ADHFE1: variants seen among roughly 807,000 people sequenced by gnomAD.
ADHFE1 encodes the protein alcohol dehydrogenase iron containing 1.
A neutral mutation model predicts 54.8 loss-of-function variants in ADHFE1; 37 were observed. That is an observed-to-expected ratio of 0.68 (90% CI 0.52 to 0.89). The LOEUF (loss-of-function observed/expected upper bound fraction) is 0.89, where lower values mean the gene tolerates loss of function less well. Among genes scored for constraint, ADHFE1 ranks in the 40% least tolerant of loss-of-function variants. The probability of loss-of-function intolerance (pLI) is 0.00; values close to 1 mark genes in which losing one functional copy is unlikely to be tolerated. For synonymous variants in ADHFE1, 203 were observed against 229.3 expected (o/e 0.89, Z 1.04); for missense variants, 601 against 591.2 (o/e 1.02, Z -0.17).
intron 1 of ADHFE1, among the ~76,000 whole-genome samples, chr8:66,436,672 A>G (rs4737229): frequency 0.073 from 11,148 of 152,210 alleles, 630 homozygotes; most frequent in East Asian, 0.26. Flanking sequence ...TGCCCAAGCC[A>G]GAAAGATAAA....
At chr8:66,460,912 T>C (rs1806865066) in intron 13 of ADHFE1, among the ~76,000 whole-genome samples, 1 of 152,250 alleles carries the variant, frequency 6.6e-6, no homozygotes, top group Admixed American at 6.5e-5. Flanking sequence ...AGCCTTTCAA[T>C]TAACACTATC....
intron 13 of ADHFE1, among the ~76,000 whole-genome samples, chr8:66,461,071 G>A (rs1447103336): frequency 2.0e-5 from 3 of 152,180 alleles, no homozygotes; most frequent in Non-Finnish European, 4.4e-5. Context: ...TGTAAAGTTT[G>A]CTCTTCTGAG....
At chr8:66,454,455 A>C (rs1806467337) in intron 10 of ADHFE1, among the ~76,000 whole-genome samples, 4 of 152,066 alleles carry the variant, frequency 2.6e-5, no homozygotes, top group African/African-American at 9.7e-5. Flanking sequence ...TAGAAACCTA[A>C]ATGTATTCTT....
chr8:66,467,417 T>G (rs1040017422), intron 13 of ADHFE1, among the ~76,000 whole-genome samples: 16 of 152,100 alleles, frequency 1.1e-4, no homozygotes, highest in Non-Finnish European at 1.9e-4. Flanking sequence ...CTTCACTAAT[T>G]CAGCAGATAA....
intron 13 of ADHFE1, among the ~76,000 whole-genome samples, chr8:66,467,366 A>G (rs968281700): frequency 2.0e-5 from 3 of 152,112 alleles, no homozygotes; most frequent in African/African-American, 4.8e-5. Flanking sequence ...TCTATCTTGT[A>G]TATGTGAACT....
In ADHFE1 at chr8:66,442,818, G is replaced by T. The variant is rs757700802; in HGVS notation, c.118G>T (p.Gly40Trp). 19 of 1,594,106 alleles carry T rather than the reference G, an allele frequency of 1.2e-5. No individual in the cohort carries two copies. The highest frequency in any genetic ancestry group is 2.3e-5 in the South Asian group (2 of 85,998). Reference sequence around the variant, plus strand: ...TCTAGCCCCTGGACTTTCACCTTCTGGGAAAACAACAGATTATGCCTTTGA... The same window carrying T: ...TCTAGCCCCTGGACTTTCACCTTCTTGGAAAACAACAGATTATGCCTTTGA... ...YSQAPGLSPS[G>W]KTTDYAFEMA... The change falls in exon 3 of 14, where the codon GGG becomes TGG. Residue 40 changes from glycine to tryptophan, a missense_variant. Coordinates refer to ENST00000396623, the MANE Select transcript of ADHFE1 (RefSeq NM_144650.3).
At chr8:66,462,782 C>T (rs998395249) in intron 13 of ADHFE1, among the ~76,000 whole-genome samples, 1 of 152,322 alleles carries the variant, frequency 6.6e-6, no homozygotes, top group African/African-American at 2.4e-5. Flanking sequence ...GTTTACTCTT[C>T]TAATTCTACT....
chr8:66,459,437 T>C (rs1235835782), intron 12 of ADHFE1: 1 of 144,328 alleles, frequency 6.9e-6, no homozygotes, highest in Middle Eastern at 3.6e-3. Context: ...TATATTTTTT[T>C]TTTTTTTTTA....
At chr8:66,432,725 A>C (rs1586422184) in intron 1 of ADHFE1, 150 bp downstream of exon 1, 1 of 1,232,752 alleles carries the variant, frequency 8.1e-7, no homozygotes, top group East Asian at 3.2e-5. Flanking sequence ...ACCGCGCGCC[A>C]GGCGGAACAG....
At chr8:66,457,497 C>T (rs1487517142) in intron 12 of ADHFE1, among the ~76,000 whole-genome samples, 1 of 148,276 alleles carries the variant, frequency 6.7e-6, no homozygotes, top group African/African-American at 2.5e-5. Context: ...AAAAAAAGAA[C>T]CATAAAGGAC....
intron 1 of ADHFE1, 27 bp from the exon 2 acceptor site, chr8:66,440,135 T>C: frequency 6.2e-7 from 1 of 1,609,270 alleles, no homozygotes; most frequent in Non-Finnish European, 8.5e-7. Flanking sequence ...CTTAGGTTTT[T>C]TTTGCTGTCG....
chr8:66,434,523 T>C (rs1805363979), intron 1 of ADHFE1, among the ~76,000 whole-genome samples: 1 of 152,192 alleles, frequency 6.6e-6, no homozygotes, highest in South Asian at 2.1e-4. Context: ...ATTATTCTAA[T>C]AGGGTAAACA....
chr8:66,444,783 TA>T (rs758777247), intron 5 of ADHFE1, 35 bp downstream of exon 5: 3 of 1,611,500 alleles, frequency 1.9e-6, no homozygotes, highest in Non-Finnish European at 2.5e-6. Context: ...TTCTTTACTT[TA>T]AGCAGAAGCT....
intron 13 of ADHFE1, among the ~76,000 whole-genome samples, chr8:66,466,810 A>C (rs1045879760): frequency 2.0e-4 from 30 of 152,188 alleles, no homozygotes; most frequent in African/African-American, 7.2e-4. Flanking sequence ...TGATAGGCCA[A>C]TGCTTTCTAG....
intron 11 of ADHFE1, 74 bp downstream of exon 11, chr8:66,456,969 C>T (rs1806619000): frequency 6.8e-7 from 1 of 1,462,476 alleles, no homozygotes; most frequent in South Asian, 1.4e-5. Context: ...TTTGCCAATT[C>T]TCGCCTGCTT....
At chr8:66,456,712 T>C (rs544466856) in intron 10 of ADHFE1, 105 bp from the exon 11 acceptor site, 6 of 767,878 alleles carry the variant, frequency 7.8e-6, no homozygotes, top group Admixed American at 2.6e-5. Context: ...CAGGTAATGA[T>C]ACTGTCTAGA....
chr8:66,464,997 C>T (rs1359869816), intron 13 of ADHFE1, among the ~76,000 whole-genome samples: 1 of 152,104 alleles, frequency 6.6e-6, no homozygotes, highest in Non-Finnish European at 1.5e-5. Context: ...CTTATTTCAC[C>T]CAGCACAGTG....
intron 1 of ADHFE1, among the ~76,000 whole-genome samples, chr8:66,437,645 G>C (rs530504285): frequency 2.6e-5 from 4 of 151,188 alleles, no homozygotes; most frequent in African/African-American, 9.7e-5. Flanking sequence ...TCATTTACTC[G>C]CTCATTTAAT....
chr8:66,459,956 A>G lies in ADHFE1; in HGVS notation c.1163-352A>G, dbSNP rs755223785. 4.2e-4 allele frequency: 89 copies of G among 214,102 alleles called. 2 individuals are homozygous for G. The highest frequency in any genetic ancestry group is 3.1e-4 in the Admixed American group (6 of 19,302). 13.3% of individuals were successfully genotyped at this position (214,102 alleles called of 1,614,324 possible). A position where few individuals can be genotyped will look rare whatever the true frequency, so the allele number is the denominator to read the frequency against. ...ATCATACACCTCTAGATGTCAGCAA[A>G]TTCCAAGCCTTGAAATTACATAAGC... On this transcript the variant is annotated intron_variant, in intron 12 of 13. Coordinates refer to ENST00000396623, the MANE Select transcript of ADHFE1 (RefSeq NM_144650.3).
Sources: allele counts gnomAD v4.1 joint callset (sites outside exome capture counted in the v4.1 genomes callset), GRCh38; gene constraint gnomAD v4.1.1; transcripts MANE v1.5; gene names NCBI Gene and HGNC (gene_info 2026-07-23, HGNC 2026-07-21).